Variants in TRIO observed in about 807,000 individuals in gnomAD.
The protein encoded by TRIO is triple functional domain protein.
TRIO carries 58 observed loss-of-function variants against 351.9 expected under a neutral mutation model. The observed-to-expected ratio is 0.16, with a 90% CI of 0.13 to 0.21. TRIO has a LOEUF of 0.21. TRIO is among the 10% of genes least tolerant of loss of function. TRIO has a pLI of 1.00. For missense variants in TRIO, 3,201 were observed against 4,027.8 expected (o/e 0.79, Z 5.56); for synonymous variants, 1,758 against 1,595.7 (o/e 1.10, Z -2.42).
At chr5:14,280,703 C>T (rs1278119951) in intron 3 of TRIO, among the ~76,000 whole-genome samples, 1 of 152,106 alleles carries the variant, frequency 6.6e-6, no homozygotes, top group Non-Finnish European at 1.5e-5. Context: ...GGATGTGGCG[C>T]CTGAGTTAGA....
At chr5:14,356,740 A>G (rs914763511) in intron 11 of TRIO, among the ~76,000 whole-genome samples, 3 of 152,218 alleles carry the variant, frequency 2.0e-5, no homozygotes. Flanking sequence ...CAGCAGATGA[A>G]GGGATCAATT....
At chr5:14,186,863 C>T (rs985897880) in intron 1 of TRIO, among the ~76,000 whole-genome samples, 1 of 152,180 alleles carries the variant, frequency 6.6e-6, no homozygotes, top group African/African-American at 2.4e-5. Context: ...AAGGCATGAG[C>T]CACCACGCCT....
chr5:14,392,474 TTGG>T (rs1423575680), intron 27 of TRIO, among the ~76,000 whole-genome samples: 2 of 152,166 alleles, frequency 1.3e-5, no homozygotes, highest in Admixed American at 1.3e-4. Context: ...TTTTACACTG[TTGG>T]TGGGAGTGTA....
Position 14,286,496 on chromosome 5 carries a change from C to G in TRIO, c.348-375C>G, listed in dbSNP as rs557689253. 6.6e-6 allele frequency among the ~76,000 whole-genome samples: 1 copy of G among 152,008 alleles called. No homozygotes were observed. Among genetic ancestry groups the G allele is most frequent in the Non-Finnish European group, 1.5e-5 (1 of 68,016 alleles). ...AGGCTGTCAGGGTTTTGTACTCACC[C>G]GATGCTCCCTGGAGACCTTTGCTCG... is the stretch of plus-strand genomic sequence containing the variant. On this transcript the variant is annotated intron_variant, in intron 3 of 56. Transcript: ENST00000344204. This position sits in a 1 kb window ranked among gnomAD's most constrained non-coding sequence, Gnocchi z 4.4.
At chr5:14,313,806 C>A (rs544540474) in intron 8 of TRIO, among the ~76,000 whole-genome samples, 101 of 152,350 alleles carry the variant, frequency 6.6e-4, no homozygotes, top group East Asian at 7.7e-4. Flanking sequence ...GATGAGCATA[C>A]CTGCCAGCTT....
At chr5:14,192,805 T>G (rs1790535957) in intron 1 of TRIO, among the ~76,000 whole-genome samples, 1 of 152,206 alleles carries the variant, frequency 6.6e-6, no homozygotes, top group Admixed American at 6.5e-5. Context: ...GGACTGCCCT[T>G]AAAATAAAAA....
Position 14,249,395 on chromosome 5 carries a change from G to C in TRIO, c.158-21430G>C, listed in dbSNP as rs77168331. ...TGCCAGTTTACAGAGTGAGTGGAGT[G>C]GGGGAGGGAGGGAGGCACCATCATT... On this transcript the variant is annotated intron_variant, in intron 1 of 56. Transcript: ENST00000344204. 5.0e-3 allele frequency among the ~76,000 whole-genome samples: 757 copies of C among 152,290 alleles called. 8 individuals are homozygous for C. The highest frequency in any genetic ancestry group is 0.018 in the African/African-American group (728 of 41,556).
chr5:14,218,180 G>T (rs1275622533), intron 1 of TRIO, among the ~76,000 whole-genome samples: 2 of 152,194 alleles, frequency 1.3e-5, no homozygotes, highest in Non-Finnish European at 2.9e-5. Context: ...TTTGTCATCT[G>T]TGTCAGTAAG....
intron 41 of TRIO, among the ~76,000 whole-genome samples, chr5:14,477,821 A>G (rs1336657944): frequency 6.6e-6 from 1 of 152,214 alleles, no homozygotes; most frequent in African/African-American, 2.4e-5. Flanking sequence ...GACACGTTTC[A>G]TTACACAGTA....
chr5:14,424,682 T>TA (rs1225523854), intron 34 of TRIO, among the ~76,000 whole-genome samples: 2 of 152,232 alleles, frequency 1.3e-5, no homozygotes, highest in Non-Finnish European at 2.9e-5. Flanking sequence ...CTGGCTGCAG[T>TA]AGTTAAGAGA....
chr5:14,175,302 C>T (rs902984043), intron 1 of TRIO, among the ~76,000 whole-genome samples: 3 of 152,174 alleles, frequency 2.0e-5, no homozygotes, highest in Admixed American at 2.0e-4. Context: ...AGCACATATA[C>T]ATGTGCAGGA....
At chr5:14,208,619 T>C (rs1344270287) in intron 1 of TRIO, among the ~76,000 whole-genome samples, 1 of 152,232 alleles carries the variant, frequency 6.6e-6, no homozygotes, top group Non-Finnish European at 1.5e-5. Context: ...TGTAAGCAAC[T>C]GTAATCTAAC....
At chr5:14,449,980 C>T (rs568622554) in intron 34 of TRIO, among the ~76,000 whole-genome samples, 2 of 152,320 alleles carry the variant, frequency 1.3e-5, no homozygotes, top group African/African-American at 4.8e-5. Flanking sequence ...TTAGCATTCC[C>T]CTTCCAAGAA....
chr5:14,325,315 G>C (rs896706032), intron 9 of TRIO, among the ~76,000 whole-genome samples: 1 of 152,188 alleles, frequency 6.6e-6, no homozygotes, highest in Non-Finnish European at 1.5e-5. Flanking sequence ...TTTGGCTCAC[G>C]GTTCTGCAGG....
At chr5:14,476,080 A>G (rs1272961111) in intron 40 of TRIO, among the ~76,000 whole-genome samples, 1 of 152,254 alleles carries the variant, frequency 6.6e-6, no homozygotes, top group Non-Finnish European at 1.5e-5. Context: ...TGATTTTGAT[A>G]ACATTTGAGA....
At chr5:14,483,955 C>T (rs562551879) in intron 46 of TRIO, among the ~76,000 whole-genome samples, 9 of 152,128 alleles carry the variant, frequency 5.9e-5, no homozygotes, top group African/African-American at 1.9e-4. Context: ...CACCCATACG[C>T]TGAGCCGCAC....
At chr5:14,381,929 C>T (rs1183461464) in intron 21 of TRIO, among the ~76,000 whole-genome samples, 1 of 152,142 alleles carries the variant, frequency 6.6e-6, no homozygotes, top group Non-Finnish European at 1.5e-5. Flanking sequence ...TGAATGTTGT[C>T]CCAATTAAGG....
At chr5:14,200,985 G>A (rs966114290) in intron 1 of TRIO, among the ~76,000 whole-genome samples, 15 of 151,798 alleles carry the variant, frequency 9.9e-5, no homozygotes, top group Non-Finnish European at 1.9e-4. Context: ...TCGGCTGGGC[G>A]CGGTGGCTCA....
At chr5:14,189,556 G>A (rs958091176) in intron 1 of TRIO, among the ~76,000 whole-genome samples, 2 of 152,128 alleles carry the variant, frequency 1.3e-5, no homozygotes, top group Admixed American at 6.5e-5. Context: ...ATCTTAGGTT[G>A]TACATATATG....
Sources: allele counts gnomAD v4.1 joint callset (sites outside exome capture counted in the v4.1 genomes callset), GRCh38; gene constraint gnomAD v4.1.1; non-coding constraint Gnocchi (gnomAD v3.1); transcripts MANE v1.5; gene names NCBI Gene and HGNC (gene_info 2026-07-23, HGNC 2026-07-21).